The following GABRB1 variants were observed in gnomAD, a reference collection of about 807,000 sequenced individuals.
GABRB1 encodes gamma-aminobutyric acid type A receptor subunit beta1, also known as gamma-aminobutyric acid receptor subunit beta-1.
In GABRB1, 17 loss-of-function variants were observed where a neutral mutation model predicts 51.6. The observed-to-expected ratio is 0.33, with a 90% CI of 0.23 to 0.49. The LOEUF (loss-of-function observed/expected upper bound fraction) is 0.49. Ranked by LOEUF, GABRB1 falls within the 20% of genes least tolerant of loss-of-function variation. The probability of loss-of-function intolerance (pLI) is 0.99; values close to 1 mark genes in which losing one functional copy is unlikely to be tolerated. For synonymous variants in GABRB1, 247 were observed against 218.9 expected (o/e 1.13, Z -1.14); for missense variants, 410 against 600.6 (o/e 0.68, Z 3.32).
chr4:47,262,199 T>G (rs1269746659), intron 4 of GABRB1, among the ~76,000 whole-genome samples: 2 of 151,652 alleles, frequency 1.3e-5, no homozygotes, highest in African/African-American at 4.8e-5. Context: ...AAATGGGATC[T>G]CATTAAACTA....
upstream of GABRB1, among the ~76,000 whole-genome samples, chr4:47,028,687 T>C (rs1290663423): frequency 6.6e-6 from 1 of 151,100 alleles, no homozygotes; most frequent in Non-Finnish European, 1.5e-5. Flanking sequence ...CCTTAAAGTG[T>C]GGTATCCTTC....
At chr4:47,092,020 C>T (rs1728317665) in intron 3 of GABRB1, among the ~76,000 whole-genome samples, 1 of 152,054 alleles carries the variant, frequency 6.6e-6, no homozygotes, top group Non-Finnish European at 1.5e-5. Flanking sequence ...CAGTATCTCC[C>T]CCTAATCTTT....
At chr4:47,182,465 G>A (rs1367188589) in intron 4 of GABRB1, among the ~76,000 whole-genome samples, 3 of 151,860 alleles carry the variant, frequency 2.0e-5, no homozygotes, top group African/African-American at 7.3e-5. Context: ...TTGATATTTA[G>A]AACAGAAGAG....
At chr4:47,399,850 C>T (rs1269629116) in intron 5 of GABRB1, among the ~76,000 whole-genome samples, 1 of 152,158 alleles carries the variant, frequency 6.6e-6, no homozygotes, top group Non-Finnish European at 1.5e-5. Context: ...TTGAAAACAC[C>T]TTGCACTTTC....
chr4:47,370,969 G>T (rs1398165494), intron 5 of GABRB1, among the ~76,000 whole-genome samples: 1 of 151,874 alleles, frequency 6.6e-6, no homozygotes, highest in Non-Finnish European at 1.5e-5. Flanking sequence ...ACATGTTCAG[G>T]ATGTGCAGGT....
At chr4:47,045,144 A>G (rs537291844) in intron 3 of GABRB1, among the ~76,000 whole-genome samples, 3 of 152,176 alleles carry the variant, frequency 2.0e-5, no homozygotes, top group African/African-American at 7.2e-5. Flanking sequence ...TTAACTCTAG[A>G]GTGACTATGC....
At chr4:47,111,669 G>A (rs1432402758) in intron 3 of GABRB1, among the ~76,000 whole-genome samples, 2 of 151,938 alleles carry the variant, frequency 1.3e-5, no homozygotes, top group African/African-American at 4.8e-5. Flanking sequence ...TTTGAGACCA[G>A]CCTGGGAAAC....
intron 4 of GABRB1, among the ~76,000 whole-genome samples, chr4:47,184,256 G>A (rs761637741): frequency 1.3e-5 from 2 of 151,930 alleles, no homozygotes; most frequent in African/African-American, 4.8e-5. Flanking sequence ...TCTCATAACC[G>A]TAACACCCAA....
intron 1 of GABRB1, among the ~76,000 whole-genome samples, chr4:47,020,311 T>A (rs529616016): frequency 6.6e-6 from 1 of 152,286 alleles, no homozygotes; most frequent in Non-Finnish European, 1.5e-5. Flanking sequence ...GGATAGGTCT[T>A]CAACTTATGA....
At chr4:47,110,014 T>G (rs796930040) in intron 3 of GABRB1, among the ~76,000 whole-genome samples, 3 of 152,150 alleles carry the variant, frequency 2.0e-5, no homozygotes, top group African/African-American at 7.2e-5. Context: ...TATTAAGCAT[T>G]GAGTTTGGGT....
intron 5 of GABRB1, among the ~76,000 whole-genome samples, chr4:47,381,761 C>G (rs1239132694): frequency 6.6e-6 from 1 of 152,184 alleles, no homozygotes; most frequent in African/African-American, 2.4e-5. Context: ...TCTTTCCCCC[C>G]TTCCCTGCCC....
intron 3 of GABRB1, among the ~76,000 whole-genome samples, chr4:47,133,956 C>T (rs1716529621): frequency 6.6e-6 from 1 of 152,148 alleles, no homozygotes; most frequent in African/African-American, 2.4e-5. Context: ...TGGTATTTTA[C>T]ATGTTAAGAA....
At chr4:47,223,286 G>A (rs10016815) in intron 4 of GABRB1, among the ~76,000 whole-genome samples, 50,955 of 151,934 alleles carry the variant, frequency 0.34, 8,858 homozygotes, top group African/African-American at 0.35. Flanking sequence ...TGGCATCTAC[G>A]CTAGTATTTT....
At chr4:47,008,853 C>CTTTTT (rs1491180948) in intron 1 of GABRB1, among the ~76,000 whole-genome samples, 3 of 80,096 alleles carry the variant, frequency 3.7e-5, no homozygotes, top group African/African-American at 1.1e-4. Context: ...CAGATACTAC[C>CTTTTT]TTTTTTTTTT....
chr4:47,098,919 A>G (rs1250018854), intron 3 of GABRB1, among the ~76,000 whole-genome samples: 7 of 152,104 alleles, frequency 4.6e-5, no homozygotes, highest in Admixed American at 1.3e-4. Flanking sequence ...GGAACACTTT[A>G]GAAGATCTTA....
Position 47,236,327 on chromosome 4 carries a change from TA to T in GABRB1, c.461+74868del, listed in dbSNP as rs796141094. ...TGCCAACAAAAAGTTTACAGTCTTG[TA>T]AAAAAAAAAGTCATTTTAGCAATGA... On this transcript the variant is annotated intron_variant, in intron 4 of 8. Coordinates refer to ENST00000295454, the MANE Select transcript of GABRB1 (RefSeq NM_000812.4). 3.4e-3 allele frequency among the ~76,000 whole-genome samples: 506 copies of T among 148,634 alleles called. 5 individuals are homozygous for T. The highest frequency in any genetic ancestry group is 0.021 in the East Asian group (109 of 5,094).
At chr4:47,003,158 G>A (rs1018735785) in intron 1 of GABRB1, among the ~76,000 whole-genome samples, 6 of 152,158 alleles carry the variant, frequency 3.9e-5, no homozygotes, top group Non-Finnish European at 7.4e-5. Context: ...AGTCCTCCAT[G>A]TATCTTCACA....
chr4:47,291,141 T>C (rs1348985582), intron 4 of GABRB1, among the ~76,000 whole-genome samples: 3 of 151,990 alleles, frequency 2.0e-5, no homozygotes, highest in Non-Finnish European at 2.9e-5. Flanking sequence ...GTGTGTAGTC[T>C]AGGGACTTGG....
At chr4:47,319,370 A>G (rs1384675665) in intron 4 of GABRB1, among the ~76,000 whole-genome samples, 1 of 152,020 alleles carries the variant, frequency 6.6e-6, no homozygotes, top group Non-Finnish European at 1.5e-5. Flanking sequence ...CAGGGCCAAG[A>G]GTGAGCACTC....
Sources: allele counts gnomAD v4.1 joint callset (sites outside exome capture counted in the v4.1 genomes callset), GRCh38; gene constraint gnomAD v4.1.1; transcripts MANE v1.5; gene names NCBI Gene and HGNC (gene_info 2026-07-23, HGNC 2026-07-21).